The following FER variants were observed in gnomAD, a reference collection of about 807,000 sequenced individuals.
FER encodes tyrosine-protein kinase Fer.
FER carries 63 observed loss-of-function variants against 111.0 expected under a neutral mutation model. The ratio of observed to expected loss-of-function variants is 0.57; its 90% CI spans 0.46 to 0.70. The LOEUF (loss-of-function observed/expected upper bound fraction) is 0.70, where lower values mean the gene tolerates loss of function less well. Among genes scored for constraint, FER ranks in the 30% least tolerant of loss-of-function variants. The pLI is 0.00. For missense variants in FER, 914 were observed against 954.0 expected, an observed-to-expected ratio of 0.96 and a Z score of 0.55; for synonymous variants, 327 against 313.9, an observed-to-expected ratio of 1.04 and a Z score of -0.44.
At chr5:108,810,635 C>T (rs1322138749) in intron 3 of FER, among the ~76,000 whole-genome samples, 1 of 152,222 alleles carries the variant, frequency 6.6e-6, no homozygotes, top group Non-Finnish European at 1.5e-5. Flanking sequence ...AGTACTGCAG[C>T]ACCACAGTCT....
intron 17 of FER, 126 bp from the exon 18 acceptor site, chr5:109,180,621 A>T: frequency 9.5e-7 from 1 of 1,056,108 alleles, no homozygotes. Context: ...CTGGTAAATC[A>T]CAAGCATTCT....
At chr5:109,059,830 A>G (rs1774149623) in intron 16 of FER, among the ~76,000 whole-genome samples, 1 of 152,202 alleles carries the variant, frequency 6.6e-6, no homozygotes, top group Non-Finnish European at 1.5e-5. Context: ...ACTACTAGGC[A>G]TCTACATAAG....
rs377264239 is a variant in FER, at chr5:108,950,960, A to G, written c.1330-3769A>G. 3.9e-4 allele frequency among the ~76,000 whole-genome samples: 56 copies of G among 145,120 alleles called. No homozygotes were observed. The South Asian group carries it at 0.011, about 29-fold the overall frequency. On this transcript the variant is annotated intron_variant, in intron 11 of 19. Coordinates refer to ENST00000281092, the MANE Select transcript of FER (RefSeq NM_005246.4). ...ATAGCTTTAAAATAAAAGGGGTCCT[A>G]TGGAATTAAAAAAAAAATAAATTTA...
intron 5 of FER, among the ~76,000 whole-genome samples, chr5:108,852,214 G>A (rs1185255520): frequency 6.6e-6 from 1 of 152,154 alleles, no homozygotes; most frequent in Non-Finnish European, 1.5e-5. Flanking sequence ...TTGGGAAGTA[G>A]ATTTTCTTAA....
chr5:108,897,261 G>A (rs1375815339), intron 9 of FER, among the ~76,000 whole-genome samples: 1 of 151,968 alleles, frequency 6.6e-6, no homozygotes, highest in Non-Finnish European at 1.5e-5. Flanking sequence ...TTTTACCCTA[G>A]GCACAGATCT....
intron 17 of FER, among the ~76,000 whole-genome samples, chr5:109,132,118 T>A (rs780656673): frequency 6.6e-6 from 1 of 152,190 alleles, no homozygotes; most frequent in Non-Finnish European, 1.5e-5. Context: ...ACCAAATACT[T>A]TGTTGTCGGC....
chr5:109,009,807 G>C (rs750023279), intron 13 of FER, among the ~76,000 whole-genome samples: 12 of 152,204 alleles, frequency 7.9e-5, no homozygotes, highest in Non-Finnish European at 1.2e-4. Context: ...GGTTGATTAA[G>C]GGATGGGTTC....
At chr5:109,091,277 A>G (rs1338015708) in intron 16 of FER, among the ~76,000 whole-genome samples, 2 of 152,178 alleles carry the variant, frequency 1.3e-5, no homozygotes, top group Non-Finnish European at 2.9e-5. Context: ...TTTTCCAGGG[A>G]TGCTTCAAGT....
At chr5:108,848,951 G>T (rs1338053389) in intron 5 of FER, among the ~76,000 whole-genome samples, 1 of 151,748 alleles carries the variant, frequency 6.6e-6, no homozygotes, top group Non-Finnish European at 1.5e-5. Flanking sequence ...TTTTTAAACA[G>T]ATTTTTACCT....
chr5:109,179,563 T>C (rs924369384), intron 17 of FER, among the ~76,000 whole-genome samples: 1 of 152,196 alleles, frequency 6.6e-6, no homozygotes. Flanking sequence ...TTTGTTATTT[T>C]TGTATATGAC....
At chr5:109,146,271 T>TCTATCTA (rs1754180259) in intron 17 of FER, among the ~76,000 whole-genome samples, 7 of 55,018 alleles carry the variant, frequency 1.3e-4, no homozygotes, top group East Asian at 3.3e-4. Context: ...TATATATATA[T>TCTATCTA]ATATATATAT....
chr5:109,136,108 T>C (rs1177968664), intron 17 of FER, among the ~76,000 whole-genome samples: 2 of 151,728 alleles, frequency 1.3e-5, no homozygotes, highest in Non-Finnish European at 2.9e-5. Flanking sequence ...ATACAAAAAG[T>C]AGTCGAGCGT....
chr5:109,149,648 C>T (rs1754606580), intron 17 of FER, among the ~76,000 whole-genome samples: 1 of 152,014 alleles, frequency 6.6e-6, no homozygotes, highest in South Asian at 2.1e-4. Flanking sequence ...GTAAACAAAG[C>T]TTGTAAAGGA....
At chr5:109,041,467 AAG>A (rs940693581) in intron 14 of FER, among the ~76,000 whole-genome samples, 24 of 152,150 alleles carry the variant, frequency 1.6e-4, no homozygotes, top group Non-Finnish European at 1.0e-4. Flanking sequence ...CAAAAAAAAA[AAG>A]AGGAAGTAAG....
chr5:109,013,899 C>A (rs2149810377), intron 13 of FER, among the ~76,000 whole-genome samples: 1 of 152,002 alleles, frequency 6.6e-6, no homozygotes, highest in East Asian at 1.9e-4. Flanking sequence ...AATGTCTGTT[C>A]ATGTCCTTCT....
intron 1 of FER, among the ~76,000 whole-genome samples, chr5:108,764,590 T>G (rs1215659747): frequency 6.6e-6 from 1 of 151,942 alleles, no homozygotes; most frequent in African/African-American, 2.4e-5. Context: ...AGAGATGGGG[T>G]TTCTCCATGT....
intron 9 of FER, among the ~76,000 whole-genome samples, chr5:108,887,673 A>G (rs1413842973): frequency 4.0e-5 from 6 of 151,814 alleles, no homozygotes; most frequent in Non-Finnish European, 8.9e-5. Context: ...TTTGTATTGT[A>G]TAACATACAC....
chr5:109,100,671 T>C, intron 17 of FER, 152 bp downstream of exon 17: 1 of 740,258 alleles, frequency 1.4e-6, no homozygotes. Flanking sequence ...GCTAGTTGTT[T>C]ATATAGTTTA....
At chr5:109,063,822 G>A (rs1774746880) in intron 16 of FER, among the ~76,000 whole-genome samples, 1 of 152,128 alleles carries the variant, frequency 6.6e-6, no homozygotes, top group Admixed American at 6.6e-5. Context: ...CTAAATGCAT[G>A]CAATTATAGA....
Sources: allele counts gnomAD v4.1 joint callset (sites outside exome capture counted in the v4.1 genomes callset), GRCh38; gene constraint gnomAD v4.1.1; transcripts MANE v1.5; gene names NCBI Gene and HGNC (gene_info 2026-07-23, HGNC 2026-07-21).